DENND1A: variants seen among roughly 807,000 people sequenced by gnomAD.
DENND1A encodes DENN domain-containing protein 1A.
Under a neutral mutation model 113.7 loss-of-function variants are expected in DENND1A, and 51 were observed. The observed-to-expected ratio is 0.45, with a 90% CI of 0.36 to 0.57. DENND1A has a LOEUF of 0.57. DENND1A is among the 20% of genes least tolerant of loss of function. The probability of loss-of-function intolerance (pLI) is 0.00; values close to 1 mark genes in which losing one functional copy is unlikely to be tolerated. For synonymous variants in DENND1A, 565 were observed against 570.8 expected (o/e 0.99, Z 0.14); for missense variants, 1,258 against 1,395.9 (o/e 0.90, Z 1.57).
Position 123,672,541 on chromosome 9 carries a change from T to TC in DENND1A, c.373-1171dup, listed in dbSNP as rs1000703362. Among the ~76,000 whole-genome samples, 53 of 152,294 alleles carry TC rather than the reference T, an allele frequency of 3.5e-4. 1 individual carries two copies. Among genetic ancestry groups the TC allele is most frequent in the African/African-American group, 8.2e-4 (34 of 41,570 alleles). ...TAATTATTGCTGTGGTTTAAATGGT[T>TC]CCCCCAAAAGTTCATGTGTTGACAA... On this transcript the variant is annotated intron_variant, in intron 6 of 23. Coordinates refer to ENST00000394215, the MANE Select transcript of DENND1A (RefSeq NM_001352964.2).
At chr9:123,609,030 G>A (rs2060291648) in intron 11 of DENND1A, among the ~76,000 whole-genome samples, 1 of 152,194 alleles carries the variant, frequency 6.6e-6, no homozygotes, top group African/African-American at 2.4e-5. Flanking sequence ...TAATGGCATT[G>A]TGCATAATTT....
chr9:123,799,272 G>A (rs930037653), intron 2 of DENND1A, among the ~76,000 whole-genome samples: 2 of 152,100 alleles, frequency 1.3e-5, no homozygotes, highest in Non-Finnish European at 2.9e-5. Flanking sequence ...CTATGCTATA[G>A]AGACTATCAA....
chr9:123,740,899 T>TGAGAGGGAGAGAGA (rs1554727814), intron 5 of DENND1A, among the ~76,000 whole-genome samples: 1 of 108,870 alleles, frequency 9.2e-6, no homozygotes, highest in Non-Finnish European at 1.8e-5. Context: ...GAAGGGAAAG[T>TGAGAGGGAGAGAGA]GAGAGAGAGA....
intron 2 of DENND1A, among the ~76,000 whole-genome samples, chr9:123,850,510 C>T (rs531455762): frequency 1.7e-3 from 266 of 152,220 alleles, no homozygotes; most frequent in Non-Finnish European, 3.0e-3. Flanking sequence ...CACTTTATTG[C>T]GCTATTCACT....
At chr9:123,843,002 C>G (rs1350898657) in intron 2 of DENND1A, 2 of 430,650 alleles carry the variant, frequency 4.6e-6, no homozygotes, top group Non-Finnish European at 9.2e-6. Context: ...AGTCCCTTCC[C>G]CAAGCGAGAG....
Position 123,839,875 on chromosome 9 carries a change from AGTAGAAT to A in DENND1A, c.88+39069_88+39075del, listed in dbSNP as rs1841574050. Reference sequence around the variant, plus strand: ...CTATGAATTATTTCTGAAGCTAAGCAGTAGAATTGAATTTAAATCCAAGTAAATGAGA... The same window carrying A: ...CTATGAATTATTTCTGAAGCTAAGCATGAATTTAAATCCAAGTAAATGAGA... On this transcript the variant is annotated intron_variant, in intron 2 of 23. Coordinates refer to ENST00000394215, the MANE Select transcript of DENND1A (RefSeq NM_001352964.2). Among the ~76,000 whole-genome samples the A allele has an allele frequency of 2.0e-5, 3 of 152,338 alleles. No homozygotes were observed. In the East Asian group the frequency reaches 5.8e-4, roughly 29 times the overall value.
chr9:123,702,247 A>C (rs2065925284), intron 5 of DENND1A, among the ~76,000 whole-genome samples: 2 of 152,200 alleles, frequency 1.3e-5, no homozygotes, highest in South Asian at 4.1e-4. Flanking sequence ...TTATTTGAAA[A>C]TATACAATCA....
Position 123,560,784 on chromosome 9 carries a change from A to C in DENND1A, c.868-3089T>G, listed in dbSNP as rs566130695. 2.0e-5 allele frequency among the ~76,000 whole-genome samples: 3 copies of C among 152,176 alleles called. No individual in the cohort carries two copies. In the East Asian group the frequency reaches 5.8e-4, roughly 29 times the overall value. ...ACTCCAAGAGGGGACCATGGAAAAC[A>C]ATTCCTTTGGAAGCAGTTTGAAGTC... On this transcript the variant is annotated intron_variant, in intron 12 of 23. Coordinates refer to ENST00000394215, the MANE Select transcript of DENND1A (RefSeq NM_001352964.2).
intron 2 of DENND1A, among the ~76,000 whole-genome samples, chr9:123,793,974 G>A (rs1778896): frequency 0.14 from 21,851 of 152,100 alleles, 4,037 homozygotes; most frequent in African/African-American, 0.43. Flanking sequence ...CTTCACCCTC[G>A]TCTTCAACTA....
chr9:123,559,564 T>TG (rs1201265836), intron 12 of DENND1A, among the ~76,000 whole-genome samples: 1 of 152,064 alleles, frequency 6.6e-6, no homozygotes, highest in Non-Finnish European at 1.5e-5. Flanking sequence ...CTGAGAAGTC[T>TG]GGGGAAAAAA....
At chr9:123,912,187 AAT>A (rs1222691584) in intron 1 of DENND1A, among the ~76,000 whole-genome samples, 6 of 152,218 alleles carry the variant, frequency 3.9e-5, no homozygotes, top group East Asian at 1.9e-4. Flanking sequence ...TAAGTTTAAA[AAT>A]ATGTGTAATG....
chr9:123,858,260 T>G (rs1278470987), intron 2 of DENND1A, among the ~76,000 whole-genome samples: 1 of 152,222 alleles, frequency 6.6e-6, no homozygotes, highest in Non-Finnish European at 1.5e-5. Flanking sequence ...TCACCTTGTT[T>G]GCAGTAGTCG....
At chr9:123,494,324 C>T (rs568917000) in intron 13 of DENND1A, among the ~76,000 whole-genome samples, 165 of 152,244 alleles carry the variant, frequency 1.1e-3, no homozygotes, top group African/African-American at 3.6e-3. Flanking sequence ...TGCCATTCCC[C>T]GGAAGTCTGG....
At chr9:123,733,451 T>C (rs1484810470) in intron 5 of DENND1A, among the ~76,000 whole-genome samples, 2 of 152,110 alleles carry the variant, frequency 1.3e-5, no homozygotes, top group East Asian at 3.9e-4. Flanking sequence ...AGCTAATTTT[T>C]ATATTTTTTA....
chr9:123,652,302 T>C (rs2062701854), intron 8 of DENND1A, 179 bp from the exon 9 acceptor site: 4 of 556,460 alleles, frequency 7.2e-6, no homozygotes, highest in East Asian at 3.0e-5. Context: ...AAGGGTAAAG[T>C]TGGAAGACAC....
chr9:123,650,674 A>G (rs971848403), intron 9 of DENND1A, among the ~76,000 whole-genome samples: 1 of 152,172 alleles, frequency 6.6e-6, no homozygotes, highest in Admixed American at 6.5e-5. Flanking sequence ...TGGGAGGCTG[A>G]GGTGGGTGGA....
intron 1 of DENND1A, among the ~76,000 whole-genome samples, chr9:123,915,299 G>C (rs1007022032): frequency 6.6e-6 from 1 of 152,026 alleles, no homozygotes; most frequent in Non-Finnish European, 1.5e-5. Context: ...CACCCTACCC[G>C]ATCTAGTGGA....
chr9:123,919,230 G>A (rs531271932), intron 1 of DENND1A, among the ~76,000 whole-genome samples: 93 of 152,078 alleles, frequency 6.1e-4, no homozygotes, highest in African/African-American at 2.1e-3. Context: ...CCAGCACTTT[G>A]GGAGGCCTAG....
intron 5 of DENND1A, among the ~76,000 whole-genome samples, chr9:123,706,064 T>C (rs1564985776): frequency 6.6e-6 from 1 of 151,900 alleles, no homozygotes; most frequent in South Asian, 2.1e-4. Flanking sequence ...GTTCTAACAA[T>C]GCAGCAAGAA....
Sources: allele counts gnomAD v4.1 joint callset (sites outside exome capture counted in the v4.1 genomes callset), GRCh38; gene constraint gnomAD v4.1.1; transcripts MANE v1.5; gene names NCBI Gene and HGNC (gene_info 2026-07-23, HGNC 2026-07-21).